The following ZNF644 variants were observed in gnomAD, a reference collection of about 807,000 sequenced individuals.
ZNF644 encodes zinc finger motif enhancer binding protein 2.
ZNF644 carries 20 observed loss-of-function variants against 108.0 expected under a neutral mutation model. The observed-to-expected ratio is 0.19, with a 90% CI of 0.13 to 0.27. The LOEUF is 0.27. Ranked by LOEUF, ZNF644 falls within the 10% of genes least tolerant of loss-of-function variation. ZNF644 has a pLI of 1.00. For synonymous variants in ZNF644, 542 were observed against 539.1 expected, an observed-to-expected ratio of 1.01 and a Z score of -0.08; for missense variants, 1,338 against 1,548.9, an observed-to-expected ratio of 0.86 and a Z score of 2.29.
intron 1 of ZNF644, among the ~76,000 whole-genome samples, chr1:91,014,445 TA>T (rs904232468): frequency 8.5e-5 from 13 of 152,070 alleles, no homozygotes; most frequent in Admixed American, 4.6e-4. Flanking sequence ...GTTCAAATAT[TA>T]AAAAAAAGTT....
chr1:90,989,466 C>T (rs532726298), intron 1 of ZNF644, among the ~76,000 whole-genome samples: 1 of 152,294 alleles, frequency 6.6e-6, no homozygotes, highest in Non-Finnish European at 1.5e-5. Context: ...TCACTTGAAC[C>T]TGGAAGGTCA....
At chr1:90,967,209 T>C (rs985184000) in intron 2 of ZNF644, among the ~76,000 whole-genome samples, 7 of 152,298 alleles carry the variant, frequency 4.6e-5, no homozygotes, top group East Asian at 1.9e-4. Context: ...CTCTTCACCA[T>C]AGGGCCTCTG....
chr1:90,968,659 G>A (rs1404768691), intron 2 of ZNF644, among the ~76,000 whole-genome samples: 1 of 152,098 alleles, frequency 6.6e-6, no homozygotes, highest in East Asian at 1.9e-4. Context: ...AAATATCACA[G>A]TAATATTTAA....
chr1:90,995,082 A>G (rs1192152259), intron 1 of ZNF644, among the ~76,000 whole-genome samples: 2 of 152,228 alleles, frequency 1.3e-5, no homozygotes, highest in Non-Finnish European at 2.9e-5. Context: ...AATGTGACCC[A>G]GACTCAGGAA....
chr1:91,016,485 TA>T (rs1231175983), intron 1 of ZNF644, among the ~76,000 whole-genome samples: 2 of 152,228 alleles, frequency 1.3e-5, no homozygotes, highest in Admixed American at 6.5e-5. Context: ...CACACAACTG[TA>T]ACATAACTGT....
At position 90,941,045 on chromosome 1, in the gene ZNF644, A is replaced by T. The variant is rs754623099; in HGVS notation, c.309T>A (p.Val103=). The change falls in exon 3 of 6, where the codon GTT becomes GTA. Residue 103 remains valine, a synonymous_variant. Coordinates refer to ENST00000337393, the MANE Select transcript of ZNF644 (RefSeq NM_201269.3). ...SLFIHAGAPT[V]SSENFILPKG... is the part of the protein sequence containing the mutation. ...TAGGCAAGATAAAGTTTTCACTAGAAACAGTAGGAGCACCAGCATGTATAA... is the reference window on the plus strand; with the variant it reads ...TAGGCAAGATAAAGTTTTCACTAGATACAGTAGGAGCACCAGCATGTATAA... The T allele has an allele frequency of 4.3e-6, 7 of 1,614,012 alleles. No homozygotes were observed. Among genetic ancestry groups the T allele is most frequent in the Non-Finnish European group, 5.9e-6 (7 of 1,179,974 alleles).
chr1:90,979,172 AAG>A (rs1656295684), intron 2 of ZNF644, among the ~76,000 whole-genome samples: 1 of 152,292 alleles, frequency 6.6e-6, no homozygotes, highest in East Asian at 1.9e-4. Flanking sequence ...GTTATTTCTT[AAG>A]AGAGTATATT....
intron 2 of ZNF644, among the ~76,000 whole-genome samples, chr1:90,945,723 G>A (rs1652447281): frequency 6.6e-6 from 1 of 152,008 alleles, no homozygotes; most frequent in African/African-American, 2.4e-5. Flanking sequence ...AATCTATGCT[G>A]TCCACTTTCT....
At chr1:90,968,611 T>C (rs1230757728) in intron 2 of ZNF644, among the ~76,000 whole-genome samples, 1 of 152,194 alleles carries the variant, frequency 6.6e-6, no homozygotes, top group Non-Finnish European at 1.5e-5. Flanking sequence ...TTAAACTGTG[T>C]AATTTTAACA....
chr1:90,979,884 T>C (rs902786020), intron 2 of ZNF644, among the ~76,000 whole-genome samples: 5 of 152,242 alleles, frequency 3.3e-5, no homozygotes, highest in Non-Finnish European at 1.5e-5. Context: ...TAGGTCTGAA[T>C]TAAGAATATT....
intron 2 of ZNF644, among the ~76,000 whole-genome samples, chr1:90,947,462 A>C (rs1652640089): frequency 6.6e-6 from 1 of 152,232 alleles, no homozygotes; most frequent in East Asian, 1.9e-4. Context: ...AAACTTTCAA[A>C]GAAACCAATG....
chr1:90,976,817 T>A (rs1466557830), intron 2 of ZNF644, among the ~76,000 whole-genome samples: 1 of 152,158 alleles, frequency 6.6e-6, no homozygotes. Context: ...ACCCCCTAGA[T>A]ACCAAAATCC....
intron 1 of ZNF644, among the ~76,000 whole-genome samples, chr1:90,985,038 C>T (rs1315384146): frequency 6.6e-6 from 1 of 152,190 alleles, no homozygotes; most frequent in Non-Finnish European, 1.5e-5. Context: ...CACACACATA[C>T]AAACTTTGAC....
At chr1:90,950,857 C>T (rs1196969942) in intron 2 of ZNF644, among the ~76,000 whole-genome samples, 5 of 152,214 alleles carry the variant, frequency 3.3e-5, no homozygotes, top group Non-Finnish European at 5.9e-5. Context: ...TCCGTAAGTA[C>T]TCTTTCCCTA....
intron 4 of ZNF644, among the ~76,000 whole-genome samples, chr1:90,936,839 A>C (rs1651369698): frequency 6.6e-6 from 1 of 152,226 alleles, no homozygotes; most frequent in Non-Finnish European, 1.5e-5. Context: ...ACTAAGCTAA[A>C]TCATCTGTCC....
Position 90,941,023 on chromosome 1 carries a change from G to A in ZNF644, c.331C>T (p.Pro111Ser), listed in dbSNP as rs1651914971. Reference protein sequence around the residue: ...PTVSSENFILPKGAAVNGPVS... With the variant: ...PTVSSENFILSKGAAVNGPVS... ...GGTCCATTAACAGCAGCTCCTTTAG[G>A]CAAGATAAAGTTTTCACTAGAAACA... is the stretch of plus-strand genomic sequence containing the variant. Residue 111 changes from proline (P) to serine (S), a missense_variant, in exon 3 of 6, where the codon CCT becomes TCT. Physicochemically the swap from Pro to Ser is moderately conservative, Grantham distance 74 (BLOSUM62 -1). This residue lies in a region of ZNF644 where 464 missense variants were observed against 457.9 expected (regional missense o/e 1.01). Transcript: ENST00000337393. The A allele has an allele frequency of 6.2e-7, 1 of 1,614,070 alleles. No individual in the cohort carries two copies. Among genetic ancestry groups the A allele is most frequent in the Non-Finnish European group, 8.5e-7 (1 of 1,179,956 alleles).
At chr1:90,967,006 C>T (rs1237010015) in intron 2 of ZNF644, among the ~76,000 whole-genome samples, 1 of 152,164 alleles carries the variant, frequency 6.6e-6, no homozygotes, top group African/African-American at 2.4e-5. Flanking sequence ...TTCTGCACCA[C>T]AGGCAGAGTC....
At chr1:90,987,599 C>T (rs1657233757) in intron 1 of ZNF644, among the ~76,000 whole-genome samples, 1 of 151,924 alleles carries the variant, frequency 6.6e-6, no homozygotes, top group Admixed American at 6.6e-5. Flanking sequence ...TTCTACCAGA[C>T]ATTTAAATAA....
Position 90,941,054 on chromosome 1 carries a change from A to T in ZNF644, c.300T>A (p.Ala100=), listed in dbSNP as rs747938783. 25 of 1,614,174 alleles carry T rather than the reference A, an allele frequency of 1.5e-5. No individual in the cohort carries two copies. In the South Asian group the frequency reaches 2.2e-4, roughly 14 times the overall value. ...GQSSLFIHAG[A]PTVSSENFIL... ...TAAAGTTTTCACTAGAAACAGTAGG[A>T]GCACCAGCATGTATAAATAGACTAG... Residue 100 remains alanine (A), a synonymous_variant, in exon 3 of 6, where the codon GCT becomes GCA. Transcript: ENST00000337393.
Sources: gnomAD v4.1 joint callset for allele counts (sites outside exome capture counted in the v4.1 genomes callset) on GRCh38, gnomAD v4.1.1 for gene constraint, gnomAD v4.1.1 regional missense constraint, MANE v1.5 for transcripts, NCBI Gene and HGNC (gene_info 2026-07-23, HGNC 2026-07-21) for gene names.